Variants in AMOTL1 observed in about 807,000 individuals in gnomAD.
AMOTL1 encodes the protein angiomotin like 1.
AMOTL1 carries 45 observed loss-of-function variants against 102.9 expected under a neutral mutation model. The ratio of observed to expected loss-of-function variants is 0.44; its 90% CI spans 0.34 to 0.56. The LOEUF (loss-of-function observed/expected upper bound fraction) is 0.56. Ranked by LOEUF, AMOTL1 falls within the 20% of genes least tolerant of loss-of-function variation. The pLI is 0.01. For synonymous variants in AMOTL1, 481 were observed against 484.7 expected, an observed-to-expected ratio of 0.99 and a Z score of 0.10; for missense variants, 1,114 against 1,225.6, an observed-to-expected ratio of 0.91 and a Z score of 1.36.
intron 1 of AMOTL1, among the ~76,000 whole-genome samples, chr11:94,724,792 T>C (rs1199591136): frequency 6.6e-6 from 1 of 152,140 alleles, no homozygotes; most frequent in African/African-American, 2.4e-5. Context: ...TCAGTATATA[T>C]ACATTTATGT....
intron 2 of AMOTL1, among the ~76,000 whole-genome samples, chr11:94,730,136 C>A (rs1950323760): frequency 6.6e-6 from 1 of 152,136 alleles, no homozygotes; most frequent in African/African-American, 2.4e-5. Flanking sequence ...CTTAAGCCAG[C>A]ATCTCTTCAC....
intron 1 of AMOTL1, among the ~76,000 whole-genome samples, chr11:94,780,202 C>T (rs1463772949): frequency 6.6e-6 from 1 of 152,168 alleles, no homozygotes; most frequent in Non-Finnish European, 1.5e-5. Flanking sequence ...CAGTAACTAC[C>T]CTATTGTCAC....
At chr11:94,771,253 CGGGGTTG>C (rs1462104249) in intron 1 of AMOTL1, among the ~76,000 whole-genome samples, 5 of 18,354 alleles carry the variant, frequency 2.7e-4, no homozygotes, top group Non-Finnish European at 7.6e-4. Context: ...TTCTTTTTGG[CGGGGTTG>C]GGGGGGGGGT....
chr11:94,858,914 C>G (rs989824126), intron 8 of AMOTL1, among the ~76,000 whole-genome samples: 4 of 152,100 alleles, frequency 2.6e-5, no homozygotes, highest in Non-Finnish European at 1.5e-5. Context: ...AATGAGCTTG[C>G]CTTATGCTAG....
At chr11:94,725,286 A>T (rs1950238764) in intron 1 of AMOTL1, among the ~76,000 whole-genome samples, 1 of 152,114 alleles carries the variant, frequency 6.6e-6, no homozygotes, top group Non-Finnish European at 1.5e-5. Flanking sequence ...AGGAGGCCAG[A>T]ACAGGGCCAG....
Position 94,729,179 on chromosome 11 carries a change from A to G in AMOTL1, c.85+124A>G, listed in dbSNP as rs965734612. On this transcript the variant is annotated intron_variant, in intron 2 of 4. Coordinates refer to the AMOTL1 transcript ENST00000299004. ...TCTTTTCAAAAGCAGCTGAGTGGAG[A>G]GGAGAGGGAATGGACTTTGAAGTCA... 5 of 614,716 alleles carry G rather than the reference A, an allele frequency of 8.1e-6. No individual in the cohort carries two copies. In the Admixed American group the frequency reaches 1.5e-4, roughly 19 times the overall value. 38.1% of individuals were successfully genotyped at this position (614,716 alleles called of 1,614,324 possible). A position where few individuals can be genotyped will look rare whatever the true frequency, so the allele number is the denominator to read the frequency against.
intron 3 of AMOTL1, among the ~76,000 whole-genome samples, chr11:94,753,062 G>T (rs775807815): frequency 1.3e-5 from 2 of 152,020 alleles, no homozygotes; most frequent in Non-Finnish European, 2.9e-5. Flanking sequence ...AAATTCAAAC[G>T]GCAACTCCAG....
chr11:94,717,789 T>C (rs1430749029), intron 1 of AMOTL1, among the ~76,000 whole-genome samples: 1 of 151,684 alleles, frequency 6.6e-6, no homozygotes, highest in Non-Finnish European at 1.5e-5. Context: ...GATCAAAATA[T>C]ACTTTAAAAA....
intron 1 of AMOTL1, among the ~76,000 whole-genome samples, chr11:94,779,153 T>A (rs1951070958): frequency 6.6e-6 from 1 of 152,150 alleles, no homozygotes; most frequent in Non-Finnish European, 1.5e-5. Context: ...CATGTTATCA[T>A]TAGATAAAGT....
intron 1 of AMOTL1, among the ~76,000 whole-genome samples, chr11:94,787,310 G>A (rs1049864991): frequency 1.3e-5 from 2 of 151,960 alleles, no homozygotes; most frequent in East Asian, 1.9e-4. Flanking sequence ...AGAAGACATC[G>A]GGGAACTACA....
At chr11:94,768,983 G>A (rs1250456544) in intron 1 of AMOTL1, among the ~76,000 whole-genome samples, 1 of 152,112 alleles carries the variant, frequency 6.6e-6, no homozygotes, top group African/African-American at 2.4e-5. Context: ...ACAAAGGCGC[G>A]CGCACCGGCC....
At chr11:94,743,604 A>C (rs1259848241) in intron 3 of AMOTL1, among the ~76,000 whole-genome samples, 1 of 151,678 alleles carries the variant, frequency 6.6e-6, no homozygotes, top group Non-Finnish European at 1.5e-5. Context: ...ATATAAGAAG[A>C]AGCAGAGCAA....
In AMOTL1 at chr11:94,708,301, A is replaced by G. The variant is rs1438750157; in HGVS notation, c.-51+1704A>G. Among the ~76,000 whole-genome samples, 4 of 152,310 alleles carry G rather than the reference A, an allele frequency of 2.6e-5. No individual in the cohort carries two copies. The East Asian group carries it at 7.7e-4, about 29-fold the overall frequency. On this transcript the variant is annotated intron_variant, in intron 1 of 4. Coordinates refer to the AMOTL1 transcript ENST00000299004. ...GGAGTTTAGAAGCATTAGCATTTTT[A>G]TGACTCTTGTAGGTGCTTTAAGGAG...
In AMOTL1 at chr11:94,821,806, C is replaced by G. The variant is rs150940382; in HGVS notation, c.1398C>G (p.Ala466=). ...HQELQGYYDN[A]DKLHKFEKEL... ...AACTTCAGGGTTACTACGACAATGC[C>G]GACAAGCTCCACAAGGTGCGTGACT... is the stretch of plus-strand genomic sequence containing the variant. Residue 466 remains alanine (A), a synonymous_variant, in exon 4 of 13, where the codon GCC becomes GCG. Transcript: ENST00000433060. 1.5e-4 allele frequency: 235 copies of G among 1,613,822 alleles called. 1 individual carries two copies. In the Middle Eastern group the frequency reaches 3.1e-3, roughly 22 times the overall value.
At chr11:94,856,401 A>G (rs956598054) in intron 8 of AMOTL1, among the ~76,000 whole-genome samples, 2 of 152,026 alleles carry the variant, frequency 1.3e-5, no homozygotes, top group Non-Finnish European at 2.9e-5. Flanking sequence ...TGTGGCAGAT[A>G]CTGTGTAAAG....
At position 94,715,795 on chromosome 11, in the gene AMOTL1, G is replaced by A. The variant is rs78094037; in HGVS notation, c.-51+9198G>A. Among the ~76,000 whole-genome samples the A allele has an allele frequency of 3.7e-4, 57 of 152,032 alleles. 2 individuals are homozygous for A. In the East Asian group the frequency reaches 8.5e-3, roughly 23 times the overall value. The stretch of plus-strand genomic sequence containing the variant: ...TGTTTTTAAGATTTTGTTTTATTTC[G>A]TTTCAGTTTTCAGAAGTTTAATTAT... On this transcript the variant is annotated intron_variant, in intron 1 of 4. Coordinates refer to the AMOTL1 transcript ENST00000299004.
At chr11:94,821,149 CCTT>C (rs571457510) in intron 3 of AMOTL1, among the ~76,000 whole-genome samples, 2 of 152,218 alleles carry the variant, frequency 1.3e-5, no homozygotes, top group Non-Finnish European at 2.9e-5. Context: ...CTCAGAGACT[CCTT>C]CTCTGCTCTC....
chr11:94,740,217 C>T (rs1003227000), intron 2 of AMOTL1: 1 of 152,368 alleles, frequency 6.6e-6, no homozygotes, highest in Admixed American at 6.5e-5. Context: ...TCTCCTCCTA[C>T]CTTTCTGCAA....
intron 4 of AMOTL1, among the ~76,000 whole-genome samples, chr11:94,827,126 A>G (rs1210370951): frequency 6.6e-6 from 1 of 152,262 alleles, no homozygotes; most frequent in Non-Finnish European, 1.5e-5. Context: ...GCATAGTTCT[A>G]GGAAAGTAAG....
Sources: allele counts gnomAD v4.1 joint callset (sites outside exome capture counted in the v4.1 genomes callset), GRCh38; gene constraint gnomAD v4.1.1; transcripts MANE v1.5; gene names NCBI Gene and HGNC (gene_info 2026-07-23, HGNC 2026-07-21).